Variants in MIPEP observed in about 807,000 individuals in gnomAD.
MIPEP encodes mitochondrial intermediate peptidase.
MIPEP carries 79 observed loss-of-function variants against 90.3 expected under a neutral mutation model. The observed-to-expected ratio is 0.87, with a 90% CI of 0.73 to 1.05. The LOEUF (loss-of-function observed/expected upper bound fraction) is 1.05. Among genes scored for constraint, MIPEP ranks in the 50% least tolerant of loss-of-function variants. The pLI, the probability that MIPEP is intolerant of heterozygous loss-of-function variation, is 0.00. For synonymous variants in MIPEP, 334 were observed against 315.8 expected (o/e 1.06, Z -0.61); for missense variants, 940 against 905.6 (o/e 1.04, Z -0.49).
intron 10 of MIPEP, among the ~76,000 whole-genome samples, chr13:23,845,784 C>T (rs1341032527): frequency 3.3e-5 from 5 of 152,162 alleles, no homozygotes; most frequent in African/African-American, 1.2e-4. Flanking sequence ...AATTCTGTTA[C>T]GTTTCTTTTA....
chr13:23,861,423 T>C (rs1870299315), intron 9 of MIPEP, among the ~76,000 whole-genome samples: 1 of 152,202 alleles, frequency 6.6e-6, no homozygotes, highest in South Asian at 2.1e-4. Context: ...TGCAGATGAC[T>C]AACAGTAGTT....
intron 10 of MIPEP, among the ~76,000 whole-genome samples, chr13:23,852,453 G>T (rs1305297536): frequency 6.6e-6 from 1 of 152,194 alleles, no homozygotes; most frequent in African/African-American, 2.4e-5. Context: ...TGTCAGCAAT[G>T]AACCACATAT....
At chr13:23,886,533 T>C in intron 1 of MIPEP, 27 bp from the exon 2 acceptor site, 1 of 1,500,512 alleles carries the variant, frequency 6.7e-7, no homozygotes, top group Non-Finnish European at 8.9e-7. Flanking sequence ...ACGTCTGATT[T>C]ATAACCAAAA....
At chr13:23,739,964 G>A (rs1952307724) in intron 18 of MIPEP, among the ~76,000 whole-genome samples, 1 of 152,186 alleles carries the variant, frequency 6.6e-6, no homozygotes, top group Non-Finnish European at 1.5e-5. Flanking sequence ...AGGTGTCAAT[G>A]GGGTAGGATA....
At chr13:23,776,594 TGAG>T (rs1201644948) in intron 16 of MIPEP, among the ~76,000 whole-genome samples, 1 of 152,164 alleles carries the variant, frequency 6.6e-6, no homozygotes, top group African/African-American at 2.4e-5. Flanking sequence ...TTAACACACA[TGAG>T]GAGAAGTGGT....
At chr13:23,739,679 C>T (rs765563769) in intron 18 of MIPEP, among the ~76,000 whole-genome samples, 5 of 152,208 alleles carry the variant, frequency 3.3e-5, no homozygotes, top group African/African-American at 7.2e-5. Flanking sequence ...GGACCTCTCC[C>T]ATCATTAGTG....
intron 15 of MIPEP, among the ~76,000 whole-genome samples, chr13:23,808,075 T>A (rs1953130896): frequency 6.6e-6 from 1 of 152,004 alleles, no homozygotes; most frequent in Non-Finnish European, 1.5e-5. Flanking sequence ...TTTTAAAAAA[T>A]GTACAGTTTT....
At chr13:23,831,556 G>C (rs1005209162) in intron 14 of MIPEP, among the ~76,000 whole-genome samples, 4 of 152,178 alleles carry the variant, frequency 2.6e-5, no homozygotes, top group African/African-American at 9.7e-5. Flanking sequence ...GCCTTGTGCT[G>C]CATCAAAGCA....
chr13:23,809,673 T>A (rs1786841666), intron 15 of MIPEP, among the ~76,000 whole-genome samples, 177 bp downstream of exon 15: 1 of 152,152 alleles, frequency 6.6e-6, no homozygotes, highest in Non-Finnish European at 1.5e-5. Context: ...GCCTACTTCA[T>A]AAGGGCAGTG....
rs1952274004 is a variant in MIPEP at position 23,737,112 on chromosome 13, G to A, written c.2045-6667C>T. ...TTCCTGATGCCACCCATGAGCACTT[G>A]TACCCAACTTACACGGCTTCCGTTC... On this transcript the variant is annotated intron_variant, in intron 18 of 18. Transcript: ENST00000382172. Among the ~76,000 whole-genome samples the A allele has an allele frequency of 2.0e-5, 3 of 152,242 alleles. No individual in the cohort carries two copies. In the South Asian group the frequency reaches 6.2e-4, roughly 32 times the overall value.
chr13:23,792,685 T>G (rs1294031379), intron 16 of MIPEP, among the ~76,000 whole-genome samples: 1 of 152,202 alleles, frequency 6.6e-6, no homozygotes, highest in African/African-American at 2.4e-5. Flanking sequence ...GGCAATGCCA[T>G]CCTTTGGGTG....
intron 16 of MIPEP, among the ~76,000 whole-genome samples, chr13:23,800,333 C>T (rs1470477024): frequency 6.6e-6 from 1 of 152,162 alleles, no homozygotes; most frequent in Non-Finnish European, 1.5e-5. Context: ...AAAAATATTA[C>T]ATTTTCTATT....
intron 18 of MIPEP, among the ~76,000 whole-genome samples, chr13:23,755,821 A>G (rs2138510658): frequency 6.6e-6 from 1 of 152,338 alleles, no homozygotes; most frequent in South Asian, 2.1e-4. Flanking sequence ...CAACAGGTAA[A>G]AAAACAAATC....
chr13:23,866,257 C>T (rs935006298), intron 7 of MIPEP, among the ~76,000 whole-genome samples: 1 of 152,180 alleles, frequency 6.6e-6, no homozygotes, highest in African/African-American at 2.4e-5. Context: ...TCCATCGACA[C>T]CGAAAACGTG....
chr13:23,780,200 C>A (rs1422888433), intron 16 of MIPEP, among the ~76,000 whole-genome samples: 4 of 152,194 alleles, frequency 2.6e-5, no homozygotes, highest in Non-Finnish European at 4.4e-5. Flanking sequence ...TGGGAGGCAC[C>A]CCCCAGTAGG....
intron 16 of MIPEP, among the ~76,000 whole-genome samples, chr13:23,775,349 TCA>T (rs1467012462): frequency 6.6e-6 from 1 of 152,194 alleles, no homozygotes; most frequent in Non-Finnish European, 1.5e-5. Context: ...AGGAAAGCTT[TCA>T]GTCTTTCACC....
At chr13:23,769,890 G>A (rs1952631108) in intron 16 of MIPEP, among the ~76,000 whole-genome samples, 2 of 152,098 alleles carry the variant, frequency 1.3e-5, no homozygotes, top group Non-Finnish European at 2.9e-5. Flanking sequence ...AGTGGGACTG[G>A]TGGCTTTATA....
At chr13:23,783,961 C>T (rs1952809185) in intron 16 of MIPEP, among the ~76,000 whole-genome samples, 1 of 152,094 alleles carries the variant, frequency 6.6e-6, no homozygotes, top group African/African-American at 2.4e-5. Context: ...AGGATATAAA[C>T]AAATGGAAGA....
chr13:23,760,301 CA>C, intron 16 of MIPEP, 84 bp from the exon 17 acceptor site: 1 of 1,565,620 alleles, frequency 6.4e-7, no homozygotes, highest in East Asian at 2.2e-5. Flanking sequence ...AGTGGAGACA[CA>C]GAGAGACCCG....
Sources: allele counts gnomAD v4.1 joint callset (sites outside exome capture counted in the v4.1 genomes callset), GRCh38; gene constraint gnomAD v4.1.1; transcripts MANE v1.5; gene names NCBI Gene and HGNC (gene_info 2026-07-23, HGNC 2026-07-21).